Variants in USP54 observed in about 807,000 individuals in gnomAD.
The protein encoded by USP54 is ubiquitin specific peptidase 54.
Under a neutral mutation model 170.5 loss-of-function variants are expected in USP54, and 87 were observed. The ratio of observed to expected loss-of-function variants is 0.51; its 90% CI spans 0.43 to 0.61. The LOEUF is 0.61. Among genes scored for constraint, USP54 ranks in the 20% least tolerant of loss-of-function variants. The pLI is 0.00. For missense variants in USP54, 1,786 were observed against 2,047.8 expected (o/e 0.87, Z 2.47); for synonymous variants, 655 against 742.8 (o/e 0.88, Z 1.92).
chr10:73,541,507 C>T lies in USP54; in HGVS notation c.693G>A (p.Glu231=), dbSNP rs775184806. 1.5e-5 allele frequency: 24 copies of T among 1,614,104 alleles called. No homozygotes were observed. The highest frequency in any genetic ancestry group is 1.8e-5 in the Non-Finnish European group (21 of 1,180,044). ...DLRNCPSNCG[E]RIRIRRVLMN... ...TCAACACACGGCGAATCCTGATCCT[C>T]TCTCCACAGTTGCTCTGAAATACAT... Residue 231 remains glutamate (E), a synonymous_variant, in exon 9 of 24, where the codon GAG becomes GAA. Coordinates refer to ENST00000687698, the MANE Select transcript of USP54 (RefSeq NM_001391956.1).
rs1436044225 is a variant in USP54, at chr10:73,498,328, T to G, written c.*301A>C. On this transcript the variant is annotated 3_prime_UTR_variant, in exon 24 of 24. Coordinates refer to ENST00000687698, the MANE Select transcript of USP54 (RefSeq NM_001391956.1). The stretch of plus-strand genomic sequence containing the variant: ...GTCTCACTCTATTGCCAAGCTGGAG[T>G]GCAGTGGTGCGATCTCGGCTCACTG... 1 of 191,016 alleles carries G rather than the reference T, an allele frequency of 5.2e-6. No homozygotes were observed. The highest frequency in any genetic ancestry group is 2.3e-5 in the African/African-American group (1 of 42,676). The allele number at this position is 191,016 out of a possible 1,614,324, so 11.8% of individuals were successfully genotyped here.
chr10:73,530,341 G>GT lies in USP54; in HGVS notation c.1629dup (p.Pro544ThrfsTer3). 6.2e-7 allele frequency: 1 copy of GT among 1,614,118 alleles called. No homozygotes were observed. Among genetic ancestry groups the GT allele is most frequent in the Non-Finnish European group, 8.5e-7 (1 of 1,180,018 alleles). On this transcript the variant is annotated frameshift_variant, in exon 14 of 24. Transcript: ENST00000687698. LOFTEE classifies it high-confidence loss of function. Reference sequence around the variant, plus strand: ...GAGTGTAAAGGCAGGGTCCTAGGAGGTTTTTTGTCAGGCTGGTCTCCTCCT... The same window carrying GT: ...GAGTGTAAAGGCAGGGTCCTAGGAGGTTTTTTTGTCAGGCTGGTCTCCTCCT...
chr10:73,585,903 C>A (rs1017731359), intron 1 of USP54, among the ~76,000 whole-genome samples: 13 of 152,028 alleles, frequency 8.6e-5, no homozygotes, highest in Non-Finnish European at 1.9e-4. Context: ...TGCCTGTAGT[C>A]CCAGGAGGCT....
chr10:73,545,311 A>C (rs894887106), intron 5 of USP54, among the ~76,000 whole-genome samples: 2 of 152,186 alleles, frequency 1.3e-5, no homozygotes, highest in African/African-American at 4.8e-5. Context: ...TGAAGGTGAG[A>C]GCTGATGTTT....
At position 73,541,618 on chromosome 10, in the gene USP54, CCT is replaced by C. The variant is rs760089620; in HGVS notation, c.678+13_678+14del. The C allele has an allele frequency of 9.9e-6, 16 of 1,614,008 alleles. No individual in the cohort carries two copies. The highest frequency in any genetic ancestry group is 6.7e-5 in the African/African-American group (5 of 75,016). ...TCCCTTTCCCACTCCAAACCCCACC[CCT>C]GATTTAACTCACTGGACAGTTCCGC... On this transcript the variant is annotated intron_variant, in intron 8 of 23. Transcript: ENST00000687698.
At chr10:73,583,582 G>A (rs925191630) in intron 1 of USP54, among the ~76,000 whole-genome samples, 1 of 152,028 alleles carries the variant, frequency 6.6e-6, no homozygotes, top group Non-Finnish European at 1.5e-5. Context: ...CACTGCACCT[G>A]GCCAAAAAAA....
Position 73,526,641 on chromosome 10 carries a change from G to A in USP54, c.2194+6C>T. 6.2e-7 allele frequency: 1 copy of A among 1,613,718 alleles called. No homozygotes were observed. Among genetic ancestry groups the A allele is most frequent in the Non-Finnish European group, 8.5e-7 (1 of 1,179,832 alleles). On this transcript the variant is annotated splice_donor_region_variant and intron_variant, in intron 16 of 23. Coordinates refer to ENST00000687698, the MANE Select transcript of USP54 (RefSeq NM_001391956.1). ...CAGTCCTCAAATTCAGTGTCATTCT[G>A]CTTACCAGAGAAAGGCTGACTCTTT...
chr10:73,589,309 G>T (rs2077934048), intron 1 of USP54, among the ~76,000 whole-genome samples: 1 of 152,030 alleles, frequency 6.6e-6, no homozygotes, highest in African/African-American at 2.4e-5. Flanking sequence ...GCTTCCAAAA[G>T]GTCTACAGAA....
chr10:73,556,324 A>G (rs542904154), intron 4 of USP54, among the ~76,000 whole-genome samples: 3 of 151,646 alleles, frequency 2.0e-5, no homozygotes, highest in Non-Finnish European at 4.4e-5. Flanking sequence ...ATAATGAACA[A>G]TGGGTAATTT....
At chr10:73,509,439 C>T (rs113069685) in intron 20 of USP54, among the ~76,000 whole-genome samples, 18,799 of 106,690 alleles carry the variant, frequency 0.18, 1,841 homozygotes, top group East Asian at 0.34. Flanking sequence ...CTGTCTCTAC[C>T]AAAAAAAAAA....
chr10:73,566,631 T>C (rs964217960), intron 4 of USP54, among the ~76,000 whole-genome samples: 18 of 151,702 alleles, frequency 1.2e-4, no homozygotes, highest in Admixed American at 5.3e-4. Flanking sequence ...CTTGGGAGGC[T>C]GAGGCAGGAG....
At chr10:73,577,743 T>C (rs961992665) in intron 1 of USP54, among the ~76,000 whole-genome samples, 1 of 152,194 alleles carries the variant, frequency 6.6e-6, no homozygotes, top group African/African-American at 2.4e-5. Flanking sequence ...TATTATTCTA[T>C]TCCAAAAGCT....
At chr10:73,534,868 G>A in intron 11 of USP54, 98 bp from the exon 12 acceptor site, 3 of 1,134,886 alleles carry the variant, frequency 2.6e-6, no homozygotes, top group East Asian at 2.4e-5. Flanking sequence ...CATAAGGCAA[G>A]AACTTCCTAG....
intron 1 of USP54, among the ~76,000 whole-genome samples, chr10:73,577,049 A>T (rs909255777): frequency 6.6e-6 from 1 of 152,236 alleles, no homozygotes; most frequent in Non-Finnish European, 1.5e-5. Context: ...TTAGTTTTCA[A>T]CTAATTAAAA....
At chr10:73,578,456 G>T (rs945604520) in intron 1 of USP54, among the ~76,000 whole-genome samples, 1 of 152,152 alleles carries the variant, frequency 6.6e-6, no homozygotes, top group Non-Finnish European at 1.5e-5. Context: ...CTGTCACCCA[G>T]GCTGGAGTGC....
At chr10:73,524,384 A>C (rs1011535913) in intron 16 of USP54, among the ~76,000 whole-genome samples, 1 of 151,014 alleles carries the variant, frequency 6.6e-6, no homozygotes, top group African/African-American at 2.4e-5. Context: ...GTTTGAGACC[A>C]GCCTGGCCAA....
At chr10:73,590,642 G>A (rs1001253978) in intron 1 of USP54, among the ~76,000 whole-genome samples, 2 of 152,098 alleles carry the variant, frequency 1.3e-5, no homozygotes, top group Non-Finnish European at 2.9e-5. Context: ...TAGGCCTCAT[G>A]CCTCAAGGAA....
chr10:73,596,283 C>T (rs1288678362), upstream of USP54, among the ~76,000 whole-genome samples: 1 of 151,984 alleles, frequency 6.6e-6, no homozygotes, highest in Non-Finnish European at 1.5e-5. Flanking sequence ...TTAGGCTGGG[C>T]ACGGTGGCTC....
chr10:73,566,098 C>T lies in USP54; in HGVS notation c.240+5323G>A, dbSNP rs964155080. Among the ~76,000 whole-genome samples, 4 of 151,972 alleles carry T rather than the reference C, an allele frequency of 2.6e-5. No homozygotes were observed. In the East Asian group the frequency reaches 5.8e-4, roughly 22 times the overall value. ...ATACAAAATTAGCCGGGCGTGGTGG[C>T]GCATGCCTGTAATCCCAGCTACTCG... On this transcript the variant is annotated intron_variant, in intron 4 of 23. Coordinates refer to ENST00000687698, the MANE Select transcript of USP54 (RefSeq NM_001391956.1).
Sources: gnomAD v4.1 joint callset for allele counts (sites outside exome capture counted in the v4.1 genomes callset) on GRCh38, gnomAD v4.1.1 for gene constraint, MANE v1.5 for transcripts, NCBI Gene and HGNC (gene_info 2026-07-23, HGNC 2026-07-21) for gene names.